The following GPM6B variants were observed in gnomAD, a reference collection of about 807,000 sequenced individuals.
GPM6B encodes glycoprotein M6B.
In GPM6B, 4 loss-of-function variants were observed where a neutral mutation model predicts 27.2. That is an observed-to-expected ratio of 0.15 (90% confidence interval 0.07 to 0.34). The LOEUF is 0.34. Ranked by LOEUF, GPM6B falls within the 10% of genes least tolerant of loss-of-function variation. The probability of loss-of-function intolerance (pLI) is 1.00; values close to 1 mark genes in which losing one functional copy is unlikely to be tolerated. For missense variants in GPM6B, 183 were observed against 261.9 expected, an observed-to-expected ratio of 0.70 and a Z score of 2.08; for synonymous variants, 124 against 103.1, an observed-to-expected ratio of 1.20 and a Z score of -1.23.
intron 1 of GPM6B, among the ~76,000 whole-genome samples, chrX:13,872,163 CTTTTTTTT>C (rs72226692): frequency 3.5e-4 from 9 of 25,823 alleles, no homozygotes; most frequent in Non-Finnish European, 5.7e-4. Flanking sequence ...TGTGACATCA[CTTTTTTTT>C]TTTTTTTTTT....
At chrX:13,887,481 A>G (rs547939064) in intron 1 of GPM6B, among the ~76,000 whole-genome samples, 8 of 111,994 alleles carry the variant, frequency 7.1e-5, no homozygotes, top group South Asian at 3.8e-4. Context: ...GACCAGTCAC[A>G]GATTTGAGCC....
At chrX:13,927,854 A>G (rs1050048799) in intron 1 of GPM6B, among the ~76,000 whole-genome samples, 1 of 112,177 alleles carries the variant, frequency 8.9e-6, no homozygotes, top group African/African-American at 3.2e-5. Flanking sequence ...AGCTGTATAC[A>G]TGTTTTCATG....
At chrX:13,803,784 C>T (rs1834994481) in intron 2 of GPM6B, among the ~76,000 whole-genome samples, 1 of 111,541 alleles carries the variant, frequency 9.0e-6, no homozygotes, top group South Asian at 3.8e-4. Context: ...CCTTTCTCAC[C>T]TTCACTGCCC....
At position 13,796,632 on chromosome X, in the gene GPM6B, C is replaced by T. The variant is rs144955810; in HGVS notation, c.182-10824G>A. Reference sequence around the variant, plus strand: ...TGGACATAAAAGTTCAACTACATAACGATAAGAATGTGGAAACTATTTCTA... The same window carrying T: ...TGGACATAAAAGTTCAACTACATAATGATAAGAATGTGGAAACTATTTCTA... On this transcript the variant is annotated intron_variant, in intron 2 of 7. Coordinates refer to ENST00000316715, the MANE Select transcript of GPM6B (RefSeq NM_001001995.3). 7.5e-3 allele frequency among the ~76,000 whole-genome samples: 837 copies of T among 112,096 alleles called. 7 individuals carry two copies. Among genetic ancestry groups the T allele is most frequent in the Admixed American group, 0.01 (111 of 10,598 alleles).
chrX:13,925,194 T>C (rs1198655979), intron 1 of GPM6B, among the ~76,000 whole-genome samples: 1 of 111,872 alleles, frequency 8.9e-6, no homozygotes, highest in Non-Finnish European at 1.9e-5. Flanking sequence ...GGCTGGTATG[T>C]GATAACTCAG....
rs548960018 is a variant in GPM6B, at chrX:13,868,591, A to G, written c.-198+69736T>C. On this transcript the variant is annotated intron_variant, in intron 1 of 6. Coordinates refer to the GPM6B transcript ENST00000398361. Reference sequence around the variant, plus strand: ...TATTAACCAGCCTACATATAAAAGAATAACTTTTAAAATGGGATGGTTGCA... The same window carrying G: ...TATTAACCAGCCTACATATAAAAGAGTAACTTTTAAAATGGGATGGTTGCA... 9.7e-4 allele frequency among the ~76,000 whole-genome samples: 109 copies of G among 112,635 alleles called. 1 individual carries two copies. The South Asian group carries it at 0.039, about 40-fold the overall frequency.
intron 1 of GPM6B, among the ~76,000 whole-genome samples, chrX:13,886,899 C>T (rs949763041): frequency 9.1e-6 from 1 of 110,159 alleles, no homozygotes; most frequent in Admixed American, 9.7e-5. Flanking sequence ...TCACTGCAAC[C>T]TCTGTCTCCA....
intron 6 of GPM6B, 138 bp from the exon 7 acceptor site, chrX:13,776,441 C>T: frequency 2.1e-6 from 1 of 468,344 alleles, no homozygotes; most frequent in South Asian, 4.9e-5. Context: ...TCTCTTCATG[C>T]TCTGGCCTCA....
At chrX:13,860,354 T>C (rs6654092) in intron 1 of GPM6B, among the ~76,000 whole-genome samples, 65 of 110,931 alleles carry the variant, frequency 5.9e-4, no homozygotes, top group African/African-American at 1.9e-3. Flanking sequence ...CACTCTTTGG[T>C]ATGGTGAAAG....
intron 1 of GPM6B, among the ~76,000 whole-genome samples, chrX:13,916,663 ATGTGTGTGTGTGTGTGTGTG>A (rs55844856): frequency 1.1e-5 from 1 of 90,157 alleles, no homozygotes; most frequent in Non-Finnish European, 2.2e-5. Flanking sequence ...TAGTTTATTA[ATGTGTGTGTGTGTGTGTGTG>A]TGTGTGTGTG....
chrX:13,777,693 T>C (rs2048440076), intron 5 of GPM6B, among the ~76,000 whole-genome samples: 1 of 112,439 alleles, frequency 8.9e-6, no homozygotes, highest in Non-Finnish European at 1.9e-5. Context: ...TCAGTGAGGG[T>C]TCACATTTGG....
chrX:13,829,130 A>G (rs998905260), intron 1 of GPM6B, among the ~76,000 whole-genome samples: 1 of 111,858 alleles, frequency 8.9e-6, no homozygotes, highest in Non-Finnish European at 1.9e-5. Flanking sequence ...CATCACTTGC[A>G]ACTATCTCCC....
intron 1 of GPM6B, among the ~76,000 whole-genome samples, chrX:13,880,146 T>C (rs17215662): frequency 0.11 from 12,629 of 111,300 alleles, 588 homozygotes; most frequent in Admixed American, 0.15. Flanking sequence ...CATGGTTATG[T>C]CATAGTCTGA....
intron 1 of GPM6B, among the ~76,000 whole-genome samples, chrX:13,910,158 T>C: frequency 8.9e-6 from 1 of 112,137 alleles, no homozygotes; most frequent in East Asian, 2.8e-4. Flanking sequence ...TAACCGGCAA[T>C]GTTTGGGCCA....
At position 13,790,072 on chromosome X, in the gene GPM6B, T is replaced by C. The variant is rs1212489584; in HGVS notation, c.182-4264A>G. Among the ~76,000 whole-genome samples the C allele has an allele frequency of 2.7e-5, 3 of 111,960 alleles. No individual in the cohort carries two copies. In the East Asian group the frequency reaches 8.5e-4, roughly 32 times the overall value. ...TCTCCTTATGTTACCCAGGCTGTTC[T>C]CAAACTCTTGGGCTCAAGTGATCCT... On this transcript the variant is annotated intron_variant, in intron 2 of 7. Coordinates refer to ENST00000316715, the MANE Select transcript of GPM6B (RefSeq NM_001001995.3).
intron 1 of GPM6B, among the ~76,000 whole-genome samples, chrX:13,906,433 G>A (rs1408409709): frequency 8.9e-6 from 1 of 112,028 alleles, no homozygotes; most frequent in Non-Finnish European, 1.9e-5. Context: ...GGGGTGGGGA[G>A]GATAGCTGAA....
At chrX:13,843,317 A>G (rs2049603230) in intron 1 of GPM6B, among the ~76,000 whole-genome samples, 2 of 112,252 alleles carry the variant, frequency 1.8e-5, no homozygotes, top group African/African-American at 3.2e-5. Context: ...TGCAGGATAT[A>G]CCACATTTTG....
chrX:13,883,470 T>C (rs1239990320), intron 1 of GPM6B, among the ~76,000 whole-genome samples: 2 of 24,683 alleles, frequency 8.1e-5, no homozygotes, highest in South Asian at 1.9e-3. Context: ...AAAATTTACA[T>C]TGGACTTCAA....
At chrX:13,916,442 T>G (rs975723236) in intron 1 of GPM6B, among the ~76,000 whole-genome samples, 2 of 111,227 alleles carry the variant, frequency 1.8e-5, no homozygotes, top group Non-Finnish European at 3.8e-5. Flanking sequence ...AAATTGTTAT[T>G]CCCTGCTTGT....
Sources: gnomAD v4.1 joint callset for allele counts (sites outside exome capture counted in the v4.1 genomes callset) on GRCh38, gnomAD v4.1.1 for gene constraint, MANE v1.5 for transcripts, NCBI Gene and HGNC (gene_info 2026-07-23, HGNC 2026-07-21) for gene names.